The following MEN1 variants were observed in gnomAD, a reference collection of about 807,000 sequenced individuals.
The protein encoded by MEN1 is menin.
MEN1 carries 6 observed loss-of-function variants against 58.0 expected under a neutral mutation model. The ratio of observed to expected loss-of-function variants is 0.10; its 90% confidence interval spans 0.06 to 0.20. The LOEUF is 0.20. MEN1 is among the 10% of genes least tolerant of loss of function. The pLI, the probability that MEN1 is intolerant of heterozygous loss-of-function variation, is 1.00. For synonymous variants in MEN1, 346 were observed against 350.7 expected (o/e 0.99, Z 0.15); for missense variants, 492 against 818.5 (o/e 0.60, Z 4.87).
chr11:64,807,644 C>G lies in MEN1; in HGVS notation c.691G>C (p.Asp231His), dbSNP rs1941827572. 6.2e-6 allele frequency: 10 copies of G among 1,614,176 alleles called. No individual in the cohort carries two copies. Among genetic ancestry groups the G allele is most frequent in the Non-Finnish European group, 8.5e-6 (10 of 1,180,046 alleles). Residue 231 changes from aspartate (D) to histidine (H), a missense_variant, in exon 4 of 10, where the codon GAC (aspartate) becomes CAC (histidine). Around this residue, in one of 5 missense-constraint regions of MEN1, gnomAD observed 335 missense variants for 550.3 expected, o/e 0.61. Coordinates refer to ENST00000450708, the MANE Select transcript of MEN1 (RefSeq NM_001370259.2). This position sits in a 1 kb window ranked among gnomAD's most constrained non-coding sequence, Gnocchi z 4.9. ...LYLKGSYMRC[D>H]RKMEVAFMVC... ...ATGAACGCCACCTCCATCTTGCGGTCACAGCGCATGTATGATCCTTTCAGG... is the reference window on the plus strand; with the variant it reads ...ATGAACGCCACCTCCATCTTGCGGTGACAGCGCATGTATGATCCTTTCAGG...
rs2136187487 is a variant in MEN1, at chr11:64,809,853, A to G, written c.257T>C (p.Ile86Thr). Residue 86 changes from isoleucine to threonine, a missense_variant, in exon 2 of 10, where the codon ATC becomes ACC. This residue lies in a region of MEN1 where 335 missense variants were observed against 550.3 expected (regional missense o/e 0.61). Coordinates refer to ENST00000450708, the MANE Select transcript of MEN1 (RefSeq NM_001370259.2). Reference sequence around the variant, plus strand: ...GGTGAAGCGGGCATAGAGGGCGGCGATGATAGACAGGTCGGCCACGGGAAA... The same window carrying G: ...GGTGAAGCGGGCATAGAGGGCGGCGGTGATAGACAGGTCGGCCACGGGAAA... ...TYFPVADLSI[I>T]AALYARFTAQ... 1 of 1,610,404 alleles carries G rather than the reference A, an allele frequency of 6.2e-7. No homozygotes were observed. Among genetic ancestry groups the G allele is most frequent in the Non-Finnish European group, 8.5e-7 (1 of 1,178,564 alleles).
Position 64,807,615 on chromosome 11 carries a change from C to A in MEN1, c.720G>T (p.Val240=), listed in dbSNP as rs1555165534. 6.2e-7 allele frequency: 1 copy of A among 1,614,084 alleles called. No homozygotes were observed. Among genetic ancestry groups the A allele is most frequent in the East Asian group, 2.2e-5 (1 of 44,898 alleles). The change falls in exon 4 of 10, where the codon GTG becomes GTT. Residue 240 remains valine, a synonymous_variant. Transcript: ENST00000450708. This position sits in a 1 kb window ranked among gnomAD's most constrained non-coding sequence, Gnocchi z 4.9. ...GGTCAATGGAAGGGTTGATGGCACACACCATGAACGCCACCTCCATCTTGC... is the reference window on the plus strand; with the variant it reads ...GGTCAATGGAAGGGTTGATGGCACAAACCATGAACGCCACCTCCATCTTGC... ...CDRKMEVAFM[V]CAINPSIDLH...
rs777519719 is a variant in MEN1, at chr11:64,804,984, G to C, written c.1350+50C>G. The C allele has an allele frequency of 6.2e-7, 1 of 1,608,416 alleles. No homozygotes were observed. The highest frequency in any genetic ancestry group is 1.1e-5 in the South Asian group (1 of 91,060). ...GCCAGAAAAGTCTGACAAGCCCGTG[G>C]CTGCTGTCACCACCTGTAGTGCCCA... is the stretch of plus-strand genomic sequence containing the variant. On this transcript the variant is annotated intron_variant, in intron 9 of 9. Coordinates refer to ENST00000450708, the MANE Select transcript of MEN1 (RefSeq NM_001370259.2). This position sits in a 1 kb window ranked among gnomAD's most constrained non-coding sequence, Gnocchi z 4.2.
chr11:64,806,041 G>A (rs935759254), intron 7 of MEN1, 191 bp downstream of exon 7: 1 of 708,158 alleles, frequency 1.4e-6, no homozygotes, highest in South Asian at 1.8e-5. Context: ...AGGAGGAGAG[G>A]GGAGGGAGGG....
chr11:64,807,624 C>T lies in MEN1; in HGVS notation c.711G>A (p.Ala237=), dbSNP rs144677807. 1.2e-5 allele frequency: 20 copies of T among 1,614,068 alleles called. No individual in the cohort carries two copies. The highest frequency in any genetic ancestry group is 6.6e-5 in the South Asian group (6 of 91,092). ...AAGGGTTGATGGCACACACCATGAA[C>T]GCCACCTCCATCTTGCGGTCACAGC... ...YMRCDRKMEV[A]FMVCAINPSI... is the part of the protein sequence containing the mutation. The change falls in exon 4 of 10, where the codon GCG becomes GCA. Residue 237 remains alanine, a synonymous_variant. Coordinates refer to ENST00000450708, the MANE Select transcript of MEN1 (RefSeq NM_001370259.2). This position sits in a 1 kb window ranked among gnomAD's most constrained non-coding sequence, Gnocchi z 4.9.
rs1411766225 is a variant in MEN1, at chr11:64,804,390, A to G, written c.1777T>C (p.Ser593Pro). The change falls in exon 10 of 10, where the codon TCC (serine) becomes CCC (proline). Residue 593 changes from serine to proline, a missense_variant. By Grantham distance (74) the Ser-to-Pro change is moderately conservative. Transcript: ENST00000450708. This position sits in a 1 kb window ranked among gnomAD's most constrained non-coding sequence, Gnocchi z 4.2. ...GACAGAGTGTAGTCACTAGGGGTGG[A>G]CACTTTCTGCTTCTTCATCTGCACT... ...SQVQMKKQKV[S>P]TPSDYTLSFL... The G allele has an allele frequency of 2.5e-6, 4 of 1,613,990 alleles. No homozygotes were observed. In the Admixed American group the frequency reaches 6.7e-5, roughly 27 times the overall value.
intron 2 of MEN1, 33 bp downstream of exon 2, chr11:64,809,632 C>A: frequency 1.2e-6 from 2 of 1,612,592 alleles, no homozygotes; most frequent in African/African-American, 1.3e-5. Flanking sequence ...AGAAGTGGGT[C>A]ATGGATAAGA....
rs1941976986 is a variant in MEN1 at position 64,809,685 on chromosome 11, G to T, written c.425C>A (p.Ser142Tyr). The T allele has an allele frequency of 1.2e-6, 2 of 1,614,140 alleles. No homozygotes were observed. The highest frequency in any genetic ancestry group is 1.7e-6 in the Non-Finnish European group (2 of 1,180,012). Reference sequence around the variant, plus strand: ...CCAACCTGTGATGAAGCTGAAGAGGGACTGGATGTGGGCCCGATCCTTGAA... The same window carrying T: ...CCAACCTGTGATGAAGCTGAAGAGGTACTGGATGTGGGCCCGATCCTTGAA... ...SYFKDRAHIQ[S>Y]LFSFITGTKL... Residue 142 changes from serine to tyrosine, a missense_variant, in exon 2 of 10, where the codon TCC becomes TAC. Ser to Tyr is a moderately radical substitution (Grantham distance 144). This residue lies in a region of MEN1 where 335 missense variants were observed against 550.3 expected (regional missense o/e 0.61). Coordinates refer to ENST00000450708, the MANE Select transcript of MEN1 (RefSeq NM_001370259.2).
At position 64,804,274 on chromosome 11, in the gene MEN1, G is replaced by A. The variant is rs1941477989; in HGVS notation, c.*60C>T. 1 of 1,612,266 alleles carries A rather than the reference G, an allele frequency of 6.2e-7. No individual in the cohort carries two copies. On this transcript the variant is annotated 3_prime_UTR_variant, in exon 10 of 10. Coordinates refer to ENST00000450708, the MANE Select transcript of MEN1 (RefSeq NM_001370259.2). The surrounding 1 kb of genome is among the most constrained non-coding windows in gnomAD (Gnocchi z 4.2). Reference sequence around the variant, plus strand: ...GGGCTGGGGGCAGAACATGGGCTCAGAGTTGGGGGACTAAGGGCGGAGCCT... The same window carrying A: ...GGGCTGGGGGCAGAACATGGGCTCAAAGTTGGGGGACTAAGGGCGGAGCCT...
intron 8 of MEN1, 33 bp downstream of exon 8, chr11:64,805,602 G>A (rs370753499): frequency 1.9e-6 from 3 of 1,611,728 alleles, no homozygotes; most frequent in East Asian, 2.2e-5. Flanking sequence ...CCAGGTGGGA[G>A]GCTGGACACA....
At position 64,807,813 on chromosome 11, in the gene MEN1, C is replaced by T. The variant is rs983529685; in HGVS notation, c.654+78G>A. ...TGGTGATGGGAAGAAAGGGGTGTGG[C>T]CCAAGAAAATGGAGTCCCTTGGGTG... is the stretch of plus-strand genomic sequence containing the variant. On this transcript the variant is annotated intron_variant, in intron 3 of 9. Coordinates refer to ENST00000450708, the MANE Select transcript of MEN1 (RefSeq NM_001370259.2). The surrounding 1 kb of genome is among the most constrained non-coding windows in gnomAD (Gnocchi z 4.9). The T allele has an allele frequency of 3.1e-6, 5 of 1,606,684 alleles. No individual in the cohort carries two copies. The South Asian group carries it at 5.5e-5, about 18-fold the overall frequency.
At position 64,804,638 on chromosome 11, in the gene MEN1, G is replaced by A. The variant is rs1356056436; in HGVS notation, c.1529C>T (p.Ala510Val). 1.2e-6 allele frequency: 2 copies of A among 1,603,728 alleles called. No individual in the cohort carries two copies. Among genetic ancestry groups the A allele is most frequent in the African/African-American group, 1.3e-5 (1 of 74,880 alleles). ...AGGCTTCCGGGGGGGTCCTGACACT[G>A]CACCCTGGCCGGTGCCCAGGCCCTT... The part of the protein sequence containing the change: ...LDKGLGTGQG[A>V]VSGPPRKPPG... The change falls in exon 10 of 10, where the codon GCA becomes GTA. Residue 510 changes from alanine (A) to valine (V), a missense_variant. Coordinates refer to ENST00000450708, the MANE Select transcript of MEN1 (RefSeq NM_001370259.2). This position sits in a 1 kb window ranked among gnomAD's most constrained non-coding sequence, Gnocchi z 4.2.
intron 2 of MEN1, among the ~76,000 whole-genome samples, chr11:64,808,717 G>A (rs1036566699): frequency 3.3e-5 from 5 of 152,092 alleles, no homozygotes; most frequent in South Asian, 2.1e-4. Flanking sequence ...AGGCCAAGGC[G>A]GGCGGATCAC....
intron 1 of MEN1, 27 bp from the exon 2 acceptor site, chr11:64,810,159 G>GC: frequency 1.0e-6 from 1 of 1,001,668 alleles, no homozygotes; most frequent in Non-Finnish European, 1.5e-6. Context: ...GGGAGGGAGG[G>GC]TCGGGCAGGT....
rs1182498496 is a variant in MEN1, at chr11:64,803,892, C to T, written c.*442G>A. The T allele has an allele frequency of 3.5e-6, 1 of 287,954 alleles. No individual in the cohort carries two copies. The highest frequency in any genetic ancestry group is 2.1e-5 in the African/African-American group (1 of 47,144). The allele number at this position is 287,954 out of a possible 1,614,324, so 17.8% of individuals were successfully genotyped here. On this transcript the variant is annotated 3_prime_UTR_variant, in exon 10 of 10. Coordinates refer to ENST00000450708, the MANE Select transcript of MEN1 (RefSeq NM_001370259.2). Reference sequence around the variant, plus strand: ...AATTCTGAAGTGCGGAAATATACTCCTAGGGGCTGAGTGGTCCTAGGCTCC... The same window carrying T: ...AATTCTGAAGTGCGGAAATATACTCTTAGGGGCTGAGTGGTCCTAGGCTCC...
intron 8 of MEN1, 129 bp from the exon 9 acceptor site, chr11:64,805,327 CT>C: frequency 9.3e-7 from 1 of 1,079,504 alleles, no homozygotes; most frequent in Non-Finnish European, 1.3e-6. Context: ...TGGGAACATT[CT>C]TAGAACCTCT....
At chr11:64,808,171 G>T in intron 2 of MEN1, 72 bp from the exon 3 acceptor site, 1 of 1,387,400 alleles carries the variant, frequency 7.2e-7, no homozygotes, top group Non-Finnish European at 9.9e-7. Context: ...AGGTAGTGAT[G>T]GGCCACACTC....
chr11:64,811,274 A>C (rs1942086103), upstream of MEN1: 1 of 136,046 alleles, frequency 7.4e-6, no homozygotes, highest in Non-Finnish European at 1.5e-5. Context: ...TTTTGTGTGT[A>C]TGTGCATATA....
chr11:64,808,245 C>T, intron 2 of MEN1, 146 bp from the exon 3 acceptor site: 3 of 725,764 alleles, frequency 4.1e-6, no homozygotes, highest in Non-Finnish European at 7.0e-6. Flanking sequence ...ATCCCTCCAT[C>T]CCTTCCCTCC....
Sources: gnomAD v4.1 joint callset for allele counts (sites outside exome capture counted in the v4.1 genomes callset) on GRCh38, gnomAD v4.1.1 for gene constraint, gnomAD v4.1.1 regional missense constraint, Gnocchi (gnomAD v3.1) non-coding constraint, MANE v1.5 for transcripts, NCBI Gene and HGNC (gene_info 2026-07-23, HGNC 2026-07-21) for gene names.